RHOT1: variants seen among roughly 807,000 people sequenced by gnomAD.
RHOT1 encodes mitochondrial Rho GTPase 1.
A neutral mutation model predicts 95.3 loss-of-function variants in RHOT1; 27 were observed. The ratio of observed to expected loss-of-function variants is 0.28; its 90% confidence interval spans 0.21 to 0.39. The LOEUF is 0.39. Ranked by LOEUF, RHOT1 falls within the 10% of genes least tolerant of loss-of-function variation. RHOT1 has a pLI of 1.00. For synonymous variants in RHOT1, 227 were observed against 263.5 expected (o/e 0.86, Z 1.34); for missense variants, 578 against 786.7 (o/e 0.73, Z 3.17).
intron 1 of RHOT1, chr17:32,150,441 A>G: frequency 1.4e-6 from 1 of 706,004 alleles, no homozygotes; most frequent in Non-Finnish European, 2.3e-6. Flanking sequence ...AGAGAAATCC[A>G]AAGTCTACCA....
chr17:32,213,100 CTAAT>C (rs2038236374), intron 19 of RHOT1, among the ~76,000 whole-genome samples: 2 of 152,134 alleles, frequency 1.3e-5, no homozygotes, highest in African/African-American at 2.4e-5. Flanking sequence ...TGTCTTGGGG[CTAAT>C]TAAAGTCAGA....
At chr17:32,192,553 A>T (rs1395092446) in intron 9 of RHOT1, among the ~76,000 whole-genome samples, 1 of 151,996 alleles carries the variant, frequency 6.6e-6, no homozygotes, top group African/African-American at 2.4e-5. Context: ...CTGAACTCTG[A>T]ATCATTTTGC....
Position 32,208,374 on chromosome 17 carries a change from A to G in RHOT1, c.1739+65A>G, listed in dbSNP as rs1197803547. 86 of 1,384,562 alleles carry G rather than the reference A, an allele frequency of 6.2e-5. 1 individual carries two copies. Among genetic ancestry groups the G allele is most frequent in the South Asian group, 5.7e-4 (49 of 85,988 alleles). 85.8% of individuals were successfully genotyped at this position (1,384,562 alleles called of 1,614,324 possible). A position where few individuals can be genotyped will look rare whatever the true frequency, so the allele number is the denominator to read the frequency against. On this transcript the variant is annotated intron_variant, in intron 18 of 19. Coordinates refer to ENST00000545287, the MANE Select transcript of RHOT1 (RefSeq NM_001033566.3). ...ATAACATTGCATGCCATTATTAGCC[A>G]TGAAGGGAATATCTTTGTCACATAG...
At chr17:32,204,406 C>T (rs57911006) in intron 16 of RHOT1, among the ~76,000 whole-genome samples, 158 of 151,694 alleles carry the variant, frequency 1.0e-3, no homozygotes, top group African/African-American at 3.7e-3. Context: ...CAAAATTAGC[C>T]GGGCATGGTG....
intron 8 of RHOT1, among the ~76,000 whole-genome samples, chr17:32,190,865 G>A (rs1347564354): frequency 3.3e-5 from 5 of 151,952 alleles, no homozygotes; most frequent in Non-Finnish European, 5.9e-5. Context: ...ATGGAATATC[G>A]GCTCACTGCA....
At chr17:32,176,914 G>T (rs1031683385) in intron 6 of RHOT1, among the ~76,000 whole-genome samples, 1 of 152,120 alleles carries the variant, frequency 6.6e-6, no homozygotes, top group Admixed American at 6.5e-5. Context: ...TCTATATATT[G>T]TACACATTTA....
chr17:32,181,772 T>G (rs2035653577), intron 6 of RHOT1, among the ~76,000 whole-genome samples: 1 of 152,262 alleles, frequency 6.6e-6, no homozygotes, highest in South Asian at 2.1e-4. Flanking sequence ...AATCATTCAA[T>G]GACTTCCCAT....
chr17:32,209,299 C>A, intron 18 of RHOT1: 1 of 1,011,134 alleles, frequency 9.9e-7, no homozygotes, highest in South Asian at 1.8e-5. Flanking sequence ...TAACCAAAAC[C>A]TTATTTATGT....
intron 11 of RHOT1, among the ~76,000 whole-genome samples, chr17:32,195,189 T>G (rs2036788201): frequency 6.6e-6 from 1 of 151,358 alleles, no homozygotes; most frequent in African/African-American, 2.4e-5. Context: ...TCAAACTCCA[T>G]GGCTCAAGCA....
chr17:32,150,746 C>T, intron 1 of RHOT1: 2 of 1,598,956 alleles, frequency 1.3e-6, no homozygotes, highest in Non-Finnish European at 1.7e-6. Context: ...ACCAGCCTCT[C>T]CCACTGAGTA....
intron 1 of RHOT1, among the ~76,000 whole-genome samples, chr17:32,168,628 T>A (rs1236602646): frequency 6.7e-6 from 1 of 148,364 alleles, no homozygotes; most frequent in African/African-American, 2.4e-5. Flanking sequence ...TTTATATATA[T>A]AAATATATTT....
At chr17:32,157,440 T>A (rs1394878467) in intron 1 of RHOT1, among the ~76,000 whole-genome samples, 3 of 152,056 alleles carry the variant, frequency 2.0e-5, no homozygotes, top group African/African-American at 7.2e-5. Flanking sequence ...ATCAAGGAGG[T>A]TTAAGAAGTC....
chr17:32,208,371 G>T (rs1399743181), intron 18 of RHOT1, 62 bp downstream of exon 18: 1 of 1,396,702 alleles, frequency 7.2e-7, no homozygotes, highest in African/African-American at 1.4e-5. Flanking sequence ...GCCATTATTA[G>T]CCATGAAGGG....
intron 8 of RHOT1, among the ~76,000 whole-genome samples, chr17:32,188,215 G>C (rs2036202634): frequency 6.6e-6 from 1 of 152,194 alleles, no homozygotes; most frequent in Admixed American, 6.5e-5. Flanking sequence ...GAATAATAAA[G>C]TGTTTTTTAG....
At chr17:32,147,637 T>G (rs972487352) in intron 1 of RHOT1, among the ~76,000 whole-genome samples, 1 of 151,660 alleles carries the variant, frequency 6.6e-6, no homozygotes, top group African/African-American at 2.4e-5. Context: ...CTGACTGACA[T>G]GGTGAAACCC....
chr17:32,202,187 C>T (rs907845940), intron 14 of RHOT1, among the ~76,000 whole-genome samples: 16 of 152,116 alleles, frequency 1.1e-4, no homozygotes, highest in African/African-American at 3.1e-4. Flanking sequence ...TGGGATTACA[C>T]GCGTGAGCCA....
intron 8 of RHOT1, among the ~76,000 whole-genome samples, chr17:32,186,829 T>A (rs966577454): frequency 2.0e-5 from 3 of 152,084 alleles, no homozygotes; most frequent in Non-Finnish European, 4.4e-5. Flanking sequence ...CACAGCTAAT[T>A]TTTAATTTTT....
intron 16 of RHOT1, among the ~76,000 whole-genome samples, 181 bp downstream of exon 16, chr17:32,204,154 G>C (rs530640621): frequency 4.6e-5 from 7 of 151,954 alleles, no homozygotes; most frequent in Non-Finnish European, 1.5e-5. Flanking sequence ...TCTTGGGCTC[G>C]AGGGATCTCC....
intron 2 of RHOT1, among the ~76,000 whole-genome samples, chr17:32,173,376 T>C (rs1191065071): frequency 6.6e-6 from 1 of 152,190 alleles, no homozygotes; most frequent in Non-Finnish European, 1.5e-5. Context: ...ACATTTCCTT[T>C]GAGTATCATG....
Sources: allele counts gnomAD v4.1 joint callset (sites outside exome capture counted in the v4.1 genomes callset), GRCh38; gene constraint gnomAD v4.1.1; transcripts MANE v1.5; gene names NCBI Gene and HGNC (gene_info 2026-07-23, HGNC 2026-07-21).